LRP2BP: variants seen among roughly 807,000 people sequenced by gnomAD.
LRP2BP encodes LRP2 binding protein.
LRP2BP carries 38 observed loss-of-function variants against 45.2 expected under a neutral mutation model. The ratio of observed to expected loss-of-function variants is 0.84; its 90% CI spans 0.65 to 1.10. LRP2BP has a LOEUF of 1.10. Among genes scored for constraint, LRP2BP ranks in the 50% least tolerant of loss-of-function variants. The pLI is 0.00. For synonymous variants in LRP2BP, 153 were observed against 153.9 expected, an observed-to-expected ratio of 0.99 and a Z score of 0.04; for missense variants, 385 against 418.9, an observed-to-expected ratio of 0.92 and a Z score of 0.71.
chr4:185,384,394 C>T (rs1226317423), intron 1 of LRP2BP, among the ~76,000 whole-genome samples: 1 of 152,132 alleles, frequency 6.6e-6, no homozygotes, highest in Non-Finnish European at 1.5e-5. Context: ...CAGACTAAAA[C>T]ACCACCCTAG....
intron 1 of LRP2BP, among the ~76,000 whole-genome samples, chr4:185,380,324 A>C (rs748629206): frequency 2.9e-4 from 44 of 152,196 alleles, no homozygotes; most frequent in Non-Finnish European, 4.1e-4. Context: ...TTTGTGGCTT[A>C]AAAGAACAGA....
upstream of LRP2BP, chr4:185,396,690 G>T (rs2095504204): frequency 1.8e-6 from 1 of 558,958 alleles, no homozygotes; most frequent in East Asian, 3.1e-5. Context: ...ACGTGCCAGT[G>T]TTTGTGTACG....
chr4:185,370,980 C>A, intron 7 of LRP2BP, 166 bp from the exon 8 acceptor site: 1 of 620,912 alleles, frequency 1.6e-6, no homozygotes, highest in African/African-American at 1.8e-5. Flanking sequence ...CACCTCATAC[C>A]AGGAGAAGAT....
Position 185,365,579 on chromosome 4 carries a change from C to T in LRP2BP, c.*1601G>A, listed in dbSNP as rs1205752480. 3 of 151,712 alleles carry T rather than the reference C, an allele frequency of 2.0e-5. No individual in the cohort carries two copies. Among genetic ancestry groups the T allele is most frequent in the Non-Finnish European group, 2.9e-5 (2 of 67,986 alleles). The allele number at this position is 151,712 out of a possible 1,614,324, so 9.4% of individuals were successfully genotyped here. On this transcript the variant is annotated 3_prime_UTR_variant, in exon 9 of 9. Transcript: ENST00000505916. Reference sequence around the variant, plus strand: ...CCACGTTGGCCAGCCTGGTCTCAAACTCCTGACCTCATGATCTGCCCGCCT... The same window carrying T: ...CCACGTTGGCCAGCCTGGTCTCAAATTCCTGACCTCATGATCTGCCCGCCT...
upstream of LRP2BP, chr4:185,396,574 C>G (rs1215206664): frequency 3.3e-6 from 1 of 306,214 alleles, no homozygotes; most frequent in East Asian, 7.7e-5. Context: ...GTGGGGCCGC[C>G]GCGGGCCCCG....
At position 185,395,107 on chromosome 4, in the gene LRP2BP, A is replaced by C. The variant is rs1181953638; in HGVS notation, c.-350T>G. 2 of 985,224 alleles carry C rather than the reference A, an allele frequency of 2.0e-6. No homozygotes were observed. Among genetic ancestry groups the C allele is most frequent in the Non-Finnish European group, 2.4e-6 (2 of 829,924 alleles). 61.0% of individuals were successfully genotyped at this position (985,224 alleles called of 1,614,324 possible). Reference sequence around the variant, plus strand: ...AGATACAACTTTTTTTTCTGAAAACAATGTGAGCAATGGACAGGTACGCTG... The same window carrying C: ...AGATACAACTTTTTTTTCTGAAAACCATGTGAGCAATGGACAGGTACGCTG... On this transcript the variant is annotated 5_prime_UTR_variant, in exon 1 of 9. In the 5' UTR this introduces an upstream ATG that the reference lacks. Coordinates refer to ENST00000505916, the MANE Select transcript of LRP2BP (RefSeq NM_001377440.1).
intron 1 of LRP2BP, among the ~76,000 whole-genome samples, chr4:185,380,566 C>T (rs1220022889): frequency 6.6e-6 from 1 of 152,196 alleles, no homozygotes; most frequent in Non-Finnish European, 1.5e-5. Flanking sequence ...CCTCTCCTCC[C>T]TCTTATGAGG....
intron 1 of LRP2BP, among the ~76,000 whole-genome samples, chr4:185,387,104 G>T (rs557161640): frequency 6.6e-6 from 1 of 152,250 alleles, no homozygotes; most frequent in East Asian, 1.9e-4. Context: ...AAATTAGCTG[G>T]GCTAGTGGTG....
chr4:185,374,055 C>A (rs977252088), intron 6 of LRP2BP, 80 bp downstream of exon 6: 3 of 1,151,446 alleles, frequency 2.6e-6, no homozygotes, highest in Non-Finnish European at 3.8e-6. Context: ...AACGACATTC[C>A]CCACCATTTT....
intron 7 of LRP2BP, among the ~76,000 whole-genome samples, chr4:185,372,398 A>T (rs2095418965): frequency 6.6e-6 from 1 of 152,254 alleles, no homozygotes; most frequent in South Asian, 2.1e-4. Flanking sequence ...GTAAAATTTA[A>T]AAGTTTAGTG....
chr4:185,378,254 C>A, intron 1 of LRP2BP, 47 bp from the exon 2 acceptor site: 2 of 1,598,184 alleles, frequency 1.3e-6, no homozygotes, highest in Non-Finnish European at 1.7e-6. Flanking sequence ...CTTCCTCCAG[C>A]GAAGTGCAAA....
At chr4:185,387,923 C>G (rs2095476431) in intron 1 of LRP2BP, among the ~76,000 whole-genome samples, 1 of 152,212 alleles carries the variant, frequency 6.6e-6, no homozygotes, top group South Asian at 2.1e-4. Flanking sequence ...TATGATTCCT[C>G]CCTCTCTAAC....
intron 1 of LRP2BP, among the ~76,000 whole-genome samples, chr4:185,380,972 A>G (rs2095454439): frequency 6.6e-6 from 1 of 152,136 alleles, no homozygotes; most frequent in Non-Finnish European, 1.5e-5. Flanking sequence ...TGAAAGATAC[A>G]GAAATGTATA....
At position 185,395,408 on chromosome 4, in the gene LRP2BP, C is replaced by T. The variant is rs1223439165; in HGVS notation, c.-651G>A. 1 of 985,282 alleles carries T rather than the reference C, an allele frequency of 1.0e-6. No homozygotes were observed. The highest frequency in any genetic ancestry group is 1.7e-5 in the African/African-American group (1 of 57,228). 61.0% of individuals were successfully genotyped at this position (985,282 alleles called of 1,614,324 possible). On this transcript the variant is annotated 5_prime_UTR_variant, in exon 1 of 9. Transcript: ENST00000505916. Reference sequence around the variant, plus strand: ...AATGAACTTCTGTGCAAACCTGAAGCTTCAACACGTGTTTTAAAAAGCAGT... The same window carrying T: ...AATGAACTTCTGTGCAAACCTGAAGTTTCAACACGTGTTTTAAAAAGCAGT...
intron 8 of LRP2BP, among the ~76,000 whole-genome samples, chr4:185,368,960 A>G (rs189213242): frequency 6.6e-6 from 1 of 151,556 alleles, no homozygotes; most frequent in Non-Finnish European, 1.5e-5. Flanking sequence ...TGATGGGCTA[A>G]TTTTTGTATT....
rs778371816 is a variant in LRP2BP at position 185,367,226 on chromosome 4, G to A, written c.998C>T (p.Ala333Val). 48 of 1,612,176 alleles carry A rather than the reference G, an allele frequency of 3.0e-5. No homozygotes were observed. Among genetic ancestry groups the A allele is most frequent in the Non-Finnish European group, 4.0e-5 (47 of 1,178,768 alleles). Residue 333 changes from alanine to valine, a missense_variant, in exon 9 of 9, where the codon GCA becomes GTA. Coordinates refer to ENST00000505916, the MANE Select transcript of LRP2BP (RefSeq NM_001377440.1). ...YYSKACRLNP[A>V]LADELHSLLI... is the part of the protein sequence containing the mutation. ...TAAGGAGTGAAGTTCATCTGCCAAT[G>A]CGGGATTCAGACGACAAGCCTTAAA...
chr4:185,366,972 G>C lies in LRP2BP; in HGVS notation c.*208C>G. The stretch of plus-strand genomic sequence containing the variant: ...TGTAGGGTAAGAGGTGGACCTCTGA[G>C]GACTCTTCCAGCAATTTGACCTTGT... On this transcript the variant is annotated 3_prime_UTR_variant, in exon 9 of 9. Transcript: ENST00000505916. 1 of 508,316 alleles carries C rather than the reference G, an allele frequency of 2.0e-6. No homozygotes were observed. Among genetic ancestry groups the C allele is most frequent in the Non-Finnish European group, 3.5e-6 (1 of 284,674 alleles). 31.5% of individuals were successfully genotyped at this position (508,316 alleles called of 1,614,324 possible).
intron 1 of LRP2BP, among the ~76,000 whole-genome samples, chr4:185,386,680 C>T (rs1310968647): frequency 6.6e-6 from 1 of 152,200 alleles, no homozygotes; most frequent in Non-Finnish European, 1.5e-5. Context: ...GAGACAGGTA[C>T]ACCCCAACGT....
In LRP2BP at chr4:185,365,616, A is replaced by G. The variant is rs912302409; in HGVS notation, c.*1564T>C. On this transcript the variant is annotated 3_prime_UTR_variant, in exon 9 of 9. Coordinates refer to ENST00000505916, the MANE Select transcript of LRP2BP (RefSeq NM_001377440.1). ...TGATCTGCCCGCCTCAGCCTCCCAA[A>G]GTGCTGGGATTACAGACGTGAGCCA... 2 of 150,718 alleles carry G rather than the reference A, an allele frequency of 1.3e-5. No individual in the cohort carries two copies. The highest frequency in any genetic ancestry group is 4.9e-5 in the African/African-American group (2 of 40,778). 9.3% of individuals were successfully genotyped at this position (150,718 alleles called of 1,614,324 possible).
Sources: gnomAD v4.1 joint callset for allele counts (sites outside exome capture counted in the v4.1 genomes callset) on GRCh38, gnomAD v4.1.1 for gene constraint, MANE v1.5 for transcripts, NCBI Gene and HGNC (gene_info 2026-07-23, HGNC 2026-07-21) for gene names.